The following ASPSCR1 variants were observed in gnomAD, a reference collection of about 807,000 sequenced individuals.
ASPSCR1 encodes tether containing UBX domain for GLUT4.
A neutral mutation model predicts 68.9 loss-of-function variants in ASPSCR1; 55 were observed. The ratio of observed to expected loss-of-function variants is 0.80; its 90% CI spans 0.64 to 1.00. The LOEUF is 1.00. Among genes scored for constraint, ASPSCR1 ranks in the 50% least tolerant of loss-of-function variants. ASPSCR1 has a pLI of 0.00. For synonymous variants in ASPSCR1, 352 were observed against 332.6 expected (o/e 1.06, Z -0.63); for missense variants, 765 against 762.2 (o/e 1.00, Z -0.04).
chr17:81,979,544 C>G (rs1173668864), intron 2 of ASPSCR1, among the ~76,000 whole-genome samples: 1 of 152,204 alleles, frequency 6.6e-6, no homozygotes, highest in African/African-American at 2.4e-5. Context: ...AGACCCTTGT[C>G]ATTGGATTTA....
chr17:82,009,172 G>C lies in ASPSCR1; in HGVS notation c.1069G>C (p.Ala357Pro), dbSNP rs1212363066. Residue 357 changes from alanine (A) to proline (P), a missense_variant, in exon 8 of 16, where the codon GCC becomes CCC. Physicochemically the swap from Ala to Pro is conservative, Grantham distance 27. Transcript: ENST00000306739. ...GGTGGACGACGTGAGAAGACGCTTG[G>C]CCCAGCTCAAGAGTGAGCGGTGGGT... ...LTVDDVRRRLAQLKSERKRLE... is the reference protein window; with the variant it reads ...LTVDDVRRRLPQLKSERKRLE... 6.2e-7 allele frequency: 1 copy of C among 1,610,752 alleles called. No homozygotes were observed. Among genetic ancestry groups the C allele is most frequent in the Admixed American group, 1.7e-5 (1 of 59,808 alleles).
In ASPSCR1 at chr17:81,983,832, A is replaced by G. The variant is rs1359260477; in HGVS notation, c.273+164A>G. Among the ~76,000 whole-genome samples, 1 of 150,956 alleles carries G rather than the reference A, an allele frequency of 6.6e-6. No homozygotes were observed. The highest frequency in any genetic ancestry group is 3.4e-3 in the Middle Eastern group (1 of 292). On this transcript the variant is annotated intron_variant, in intron 3 of 15. Transcript: ENST00000306739. The surrounding 1 kb of genome is among the most constrained non-coding windows in gnomAD (Gnocchi z 4.4). Reference sequence around the variant, plus strand: ...GGCCCAAACAGCTTCCTGTTTTTTGATAACTGGCAACTGAAAATGAGCATC... The same window carrying G: ...GGCCCAAACAGCTTCCTGTTTTTTGGTAACTGGCAACTGAAAATGAGCATC...
chr17:82,010,087 G>GT (rs372050513), intron 9 of ASPSCR1: 19,219 of 263,060 alleles, frequency 0.073, 27 homozygotes, highest in South Asian at 0.13. Context: ...AATTTTTGTT[G>GT]TTTTTTTTTT....
intron 10 of ASPSCR1, 128 bp downstream of exon 10, chr17:82,010,996 G>A (rs1000000218): frequency 1.5e-5 from 16 of 1,093,328 alleles, no homozygotes; most frequent in South Asian, 1.0e-4. Context: ...GGGTGGGTGC[G>A]GGTGCTGATG....
intron 12 of ASPSCR1, chr17:82,015,577 T>G (rs1483821944): frequency 3.2e-6 from 2 of 630,926 alleles, no homozygotes; most frequent in Non-Finnish European, 5.4e-6. Context: ...GAGGGAGCCC[T>G]CTCGCCCGGC....
intron 12 of ASPSCR1, chr17:82,013,186 TCC>T (rs1439273649): frequency 6.6e-6 from 1 of 152,004 alleles, no homozygotes; most frequent in African/African-American, 2.4e-5. Context: ...GGTGAGACAG[TCC>T]CCTCTCAGCC....
intron 1 of ASPSCR1, 36 bp from the exon 2 acceptor site, chr17:81,979,148 A>T: frequency 1.2e-6 from 2 of 1,611,952 alleles, no homozygotes; most frequent in Non-Finnish European, 1.7e-6. Context: ...AGCCCTGCAC[A>T]CTCAGCAGTT....
At chr17:82,000,454 C>T (rs1198641291) in intron 7 of ASPSCR1, among the ~76,000 whole-genome samples, 1 of 152,006 alleles carries the variant, frequency 6.6e-6, no homozygotes, top group African/African-American at 2.4e-5. Flanking sequence ...CCTCCCATCG[C>T]CGCCAGCCGC....
rs2042042724 is a variant in ASPSCR1 at position 81,987,775 on chromosome 17, T to C, written c.374+2168T>C. 6.6e-6 allele frequency among the ~76,000 whole-genome samples: 1 copy of C among 151,820 alleles called. No homozygotes were observed. The highest frequency in any genetic ancestry group is 2.1e-4 in the South Asian group (1 of 4,822). The stretch of plus-strand genomic sequence containing the variant: ...GCTGTGGGGGTGGGTTTGGGCGCTT[T>C]GGAGGAGGTTGCAGTGAGCCGAGAT... On this transcript the variant is annotated intron_variant, in intron 4 of 15. Coordinates refer to ENST00000306739, the MANE Select transcript of ASPSCR1 (RefSeq NM_024083.4). This position sits in a 1 kb window ranked among gnomAD's most constrained non-coding sequence, Gnocchi z 5.6.
intron 4 of ASPSCR1, among the ~76,000 whole-genome samples, chr17:81,991,732 C>T (rs1364808255): frequency 1.3e-5 from 2 of 152,248 alleles, no homozygotes; most frequent in Non-Finnish European, 2.9e-5. Flanking sequence ...GGGTGATGCC[C>T]TCTGCGGGCC....
intron 2 of ASPSCR1, among the ~76,000 whole-genome samples, chr17:81,981,035 G>A (rs2041778526): frequency 6.6e-6 from 1 of 152,138 alleles, no homozygotes; most frequent in Non-Finnish European, 1.5e-5. Flanking sequence ...ATAAATAAAT[G>A]GCAAATCAGA....
chr17:81,989,880 C>G (rs1010962971), intron 4 of ASPSCR1, among the ~76,000 whole-genome samples: 2 of 152,220 alleles, frequency 1.3e-5, no homozygotes, highest in African/African-American at 2.4e-5. Context: ...CTCCGCCTCC[C>G]GGGTTCAAGC....
Position 81,983,770 on chromosome 17 carries a change from C to T in ASPSCR1, c.273+102C>T, listed in dbSNP as rs1598386944. 3.9e-6 allele frequency: 4 copies of T among 1,015,036 alleles called. No homozygotes were observed. In the East Asian group the frequency reaches 1.0e-4, roughly 26 times the overall value. The allele number at this position is 1,015,036 out of a possible 1,614,324, so 62.9% of individuals were successfully genotyped here. A position where few individuals can be genotyped will look rare whatever the true frequency, so the allele number is the denominator to read the frequency against. The stretch of plus-strand genomic sequence containing the variant: ...GTGGGGGGTGCTGGGGAAGGAGGGA[C>T]ATGAGTCTTAGCACCAGTTCTGCCT... On this transcript the variant is annotated intron_variant, in intron 3 of 15. Coordinates refer to ENST00000306739, the MANE Select transcript of ASPSCR1 (RefSeq NM_024083.4). The surrounding 1 kb of genome is among the most constrained non-coding windows in gnomAD (Gnocchi z 4.4).
chr17:82,002,192 A>G (rs778684086), intron 7 of ASPSCR1, among the ~76,000 whole-genome samples: 42 of 150,938 alleles, frequency 2.8e-4, no homozygotes, highest in South Asian at 6.3e-4. Flanking sequence ...TTTAAAATTA[A>G]AAAGTGATTT....
At chr17:81,982,043 A>G (rs1598384110) in intron 2 of ASPSCR1, among the ~76,000 whole-genome samples, 1 of 151,958 alleles carries the variant, frequency 6.6e-6, no homozygotes, top group East Asian at 1.9e-4. Context: ...ATCTTGGCAC[A>G]CTGCAACCTC....
At chr17:81,991,843 G>A (rs970491901) in intron 4 of ASPSCR1, among the ~76,000 whole-genome samples, 1 of 152,250 alleles carries the variant, frequency 6.6e-6, no homozygotes. Context: ...TTTGCGCCCG[G>A]CTTTGTCATA....
chr17:81,983,515 C>A lies in ASPSCR1; in HGVS notation c.159-39C>A. On this transcript the variant is annotated intron_variant, in intron 2 of 15. Coordinates refer to ENST00000306739, the MANE Select transcript of ASPSCR1 (RefSeq NM_024083.4). The surrounding 1 kb of genome is among the most constrained non-coding windows in gnomAD (Gnocchi z 4.4). ...GGCGTGGATGGCAGGGCGTGTCAGG[C>A]TCTGCAGGGCAGCAAGTGTGCTCTG... The A allele has an allele frequency of 6.5e-7, 1 of 1,532,714 alleles. No individual in the cohort carries two copies. The highest frequency in any genetic ancestry group is 9.0e-7 in the Non-Finnish European group (1 of 1,116,400). 94.9% of individuals were successfully genotyped at this position (1,532,714 alleles called of 1,614,324 possible).
At chr17:81,979,032 G>A (rs1476278557) in intron 1 of ASPSCR1, 152 bp from the exon 2 acceptor site, 7 of 724,458 alleles carry the variant, frequency 9.7e-6, no homozygotes, top group African/African-American at 7.0e-5. Context: ...CATTTGTTGC[G>A]GGGACCGTCC....
intron 7 of ASPSCR1, among the ~76,000 whole-genome samples, chr17:82,004,155 G>A (rs1282121612): frequency 6.6e-6 from 1 of 152,224 alleles, no homozygotes; most frequent in Non-Finnish European, 1.5e-5. Flanking sequence ...CTGTGTGCAT[G>A]CCCCTGGCGC....
Sources: gnomAD v4.1 joint callset for allele counts (sites outside exome capture counted in the v4.1 genomes callset) on GRCh38, gnomAD v4.1.1 for gene constraint, Gnocchi (gnomAD v3.1) non-coding constraint, MANE v1.5 for transcripts, NCBI Gene and HGNC (gene_info 2026-07-23, HGNC 2026-07-21) for gene names.